STXBP5: variants seen among roughly 807,000 people sequenced by gnomAD.
The protein encoded by STXBP5 is syntaxin-binding protein 5.
In STXBP5, 50 loss-of-function variants were observed where a neutral mutation model predicts 152.4. The ratio of observed to expected loss-of-function variants is 0.33; its 90% CI spans 0.26 to 0.42. The LOEUF (loss-of-function observed/expected upper bound fraction) is 0.42, where lower values mean the gene tolerates loss of function less well. Among genes scored for constraint, STXBP5 ranks in the 10% least tolerant of loss-of-function variants. The pLI is 1.00. For synonymous variants in STXBP5, 492 were observed against 494.7 expected (o/e 0.99, Z 0.07); for missense variants, 1,167 against 1,388.6 (o/e 0.84, Z 2.54).
intron 21 of STXBP5, among the ~76,000 whole-genome samples, chr6:147,345,942 A>G (rs991060233): frequency 6.6e-6 from 1 of 152,148 alleles, no homozygotes; most frequent in Non-Finnish European, 1.5e-5. Context: ...GTCCTTATTC[A>G]GGTTTATAAG....
intron 2 of STXBP5, among the ~76,000 whole-genome samples, chr6:147,227,519 T>G (rs543229203): frequency 6.6e-6 from 1 of 152,286 alleles, no homozygotes; most frequent in South Asian, 2.1e-4. Context: ...TTGCCTCATA[T>G]CTCCCCTCCC....
chr6:147,345,327 T>C (rs1046224927), intron 21 of STXBP5, among the ~76,000 whole-genome samples: 13 of 152,198 alleles, frequency 8.5e-5, no homozygotes, highest in African/African-American at 2.9e-4. Flanking sequence ...AGATAGACAT[T>C]GGTATTATTA....
chr6:147,223,839 A>G (rs944097877), intron 2 of STXBP5, among the ~76,000 whole-genome samples: 3 of 152,194 alleles, frequency 2.0e-5, no homozygotes, highest in East Asian at 1.9e-4. Context: ...TCTTAGGCAG[A>G]TGGTAGAAAA....
intron 11 of STXBP5, among the ~76,000 whole-genome samples, chr6:147,312,665 C>A (rs770783668): frequency 6.6e-6 from 1 of 152,030 alleles, no homozygotes; most frequent in African/African-American, 2.4e-5. Context: ...GGTTGGGCGA[C>A]CCTGAATTAG....
intron 4 of STXBP5, among the ~76,000 whole-genome samples, chr6:147,242,825 G>A (rs1335235200): frequency 6.6e-6 from 1 of 152,138 alleles, no homozygotes. Context: ...ATAGCCATCT[G>A]TAAGTGACAC....
At position 147,204,621 on chromosome 6, in the gene STXBP5, C is replaced by T. The variant is rs537023532; in HGVS notation, c.89C>T (p.Pro30Leu). The T allele has an allele frequency of 1.2e-6, 2 of 1,610,992 alleles. No individual in the cohort carries two copies. The highest frequency in any genetic ancestry group is 1.7e-6 in the Non-Finnish European group (2 of 1,178,502). Residue 30 changes from proline to leucine, a missense_variant, in exon 1 of 28, where the codon CCT (proline) becomes CTT (leucine). Physicochemically the swap from Pro to Leu is moderately conservative, Grantham distance 98. Transcript: ENST00000321680. This position sits in a 1 kb window ranked among gnomAD's most constrained non-coding sequence, Gnocchi z 4.3. ...ASQQQQQQHP[P>L]GNREPEIQET... ...CAGCAGCAACAGCAGCAGCATCCGC[C>T]TGGGAACCGGGAGCCGGAGATCCAG...
chr6:147,362,904 T>G (rs1370079335), intron 23 of STXBP5, among the ~76,000 whole-genome samples: 9 of 152,336 alleles, frequency 5.9e-5, no homozygotes, highest in African/African-American at 1.9e-4. Flanking sequence ...TCACACACTT[T>G]GGACAAGGCG....
intron 21 of STXBP5, among the ~76,000 whole-genome samples, chr6:147,339,847 A>G (rs879852520): frequency 2.6e-5 from 4 of 152,008 alleles, no homozygotes; most frequent in Non-Finnish European, 4.4e-5. Flanking sequence ...AAAGTTAAAT[A>G]GGAATTTTCT....
At chr6:147,298,816 A>G (rs1781661628) in intron 9 of STXBP5, among the ~76,000 whole-genome samples, 1 of 152,078 alleles carries the variant, frequency 6.6e-6, no homozygotes, top group Non-Finnish European at 1.5e-5. Flanking sequence ...GGCCTATGGA[A>G]TACAGCAAAA....
In STXBP5 at chr6:147,244,578, A is replaced by G. The variant is rs1011759162; in HGVS notation, c.431+5308A>G. Among the ~76,000 whole-genome samples, 4 of 152,310 alleles carry G rather than the reference A, an allele frequency of 2.6e-5. No individual in the cohort carries two copies. The East Asian group carries it at 7.7e-4, about 29-fold the overall frequency. ...AATGGTGTCTTATAATTAATTGAAA[A>G]TGTTTTGTGAATTTTGTTAATACTA... On this transcript the variant is annotated intron_variant, in intron 4 of 27. Transcript: ENST00000321680.
chr6:147,322,549 G>T (rs1342540416), intron 16 of STXBP5, among the ~76,000 whole-genome samples: 1 of 152,130 alleles, frequency 6.6e-6, no homozygotes, highest in Admixed American at 6.5e-5. Flanking sequence ...AATTCAGAAG[G>T]GTTCTTACCT....
intron 16 of STXBP5, among the ~76,000 whole-genome samples, chr6:147,324,222 T>TA (rs1783088464): frequency 6.6e-6 from 1 of 151,736 alleles, no homozygotes; most frequent in African/African-American, 2.4e-5. Context: ...AGTTTTTCGT[T>TA]ATGTTACTTC....
chr6:147,342,205 A>C (rs1784124260), intron 21 of STXBP5, among the ~76,000 whole-genome samples: 1 of 152,210 alleles, frequency 6.6e-6, no homozygotes, highest in South Asian at 2.1e-4. Context: ...TTAGAGCCAG[A>C]TCATGGATGC....
chr6:147,250,969 C>CAAAAA (rs887963991), intron 4 of STXBP5, among the ~76,000 whole-genome samples: 3 of 52,914 alleles, frequency 5.7e-5, no homozygotes, highest in African/African-American at 1.5e-4. Flanking sequence ...ACCTTGTCTC[C>CAAAAA]AAAAAAAAAA....
intron 7 of STXBP5, among the ~76,000 whole-genome samples, chr6:147,274,810 T>C (rs962149391): frequency 6.6e-6 from 1 of 152,162 alleles, no homozygotes; most frequent in Non-Finnish European, 1.5e-5. Context: ...AGCTTTTGAA[T>C]AGAATGTTAA....
intron 21 of STXBP5, among the ~76,000 whole-genome samples, chr6:147,344,491 C>T (rs1046748430): frequency 3.9e-5 from 6 of 152,162 alleles, no homozygotes; most frequent in Non-Finnish European, 7.4e-5. Flanking sequence ...TTAAACAATT[C>T]GGGAGGTTAG....
intron 2 of STXBP5, among the ~76,000 whole-genome samples, chr6:147,221,043 T>A (rs1249095409): frequency 6.6e-6 from 1 of 152,110 alleles, no homozygotes; most frequent in Non-Finnish European, 1.5e-5. Flanking sequence ...TTTCTTAGCA[T>A]ATCAGTTATA....
chr6:147,236,778 CTTTTT>C (rs796882567), intron 3 of STXBP5, among the ~76,000 whole-genome samples: 2 of 135,882 alleles, frequency 1.5e-5, no homozygotes, highest in African/African-American at 2.7e-5. Flanking sequence ...CCTGTTCTGT[CTTTTT>C]TTTTTTTTTT....
chr6:147,351,794 A>G (rs1352964465), intron 21 of STXBP5: 9 of 963,348 alleles, frequency 9.3e-6, no homozygotes, highest in Non-Finnish European at 1.2e-6. Context: ...CAGTCTGCCT[A>G]ATGCCTCTTT....
Sources: gnomAD v4.1 joint callset for allele counts (sites outside exome capture counted in the v4.1 genomes callset) on GRCh38, gnomAD v4.1.1 for gene constraint, Gnocchi (gnomAD v3.1) non-coding constraint, MANE v1.5 for transcripts, NCBI Gene and HGNC (gene_info 2026-07-23, HGNC 2026-07-21) for gene names.